NOTCH3: variants seen among roughly 807,000 people sequenced by gnomAD.
NOTCH3 encodes neurogenic locus notch homolog protein 3.
A neutral mutation model predicts 213.3 loss-of-function variants in NOTCH3; 86 were observed. That is an observed-to-expected ratio of 0.40 (90% CI 0.34 to 0.48). NOTCH3 has a LOEUF of 0.48. Among genes scored for constraint, NOTCH3 ranks in the 20% least tolerant of loss-of-function variants. The pLI is 0.57. For synonymous variants in NOTCH3, 1,354 were observed against 1,355.9 expected, an observed-to-expected ratio of 1.00 and a Z score of 0.03; for missense variants, 2,783 against 3,272.6, an observed-to-expected ratio of 0.85 and a Z score of 3.65.
At chr19:15,184,494 G>T in intron 15 of NOTCH3, 44 bp from the exon 16 acceptor site, 2 of 1,598,414 alleles carry the variant, frequency 1.3e-6, no homozygotes, top group South Asian at 2.2e-5. Flanking sequence ...ACAGGGTACA[G>T]AGCAGGGTCT....
In NOTCH3 at chr19:15,189,147, C is replaced by A. The variant is rs770646950; in HGVS notation, c.1220G>T (p.Arg407Met). 6.2e-7 allele frequency: 1 copy of A among 1,613,408 alleles called. No individual in the cohort carries two copies. Among genetic ancestry groups the A allele is most frequent in the Non-Finnish European group, 8.5e-7 (1 of 1,180,038 alleles). Residue 407 changes from arginine to methionine, a missense_variant, in exon 8 of 33, where the codon AGG (arginine) becomes ATG (methionine). Arg to Met is a moderately conservative substitution (Grantham distance 91, BLOSUM62 -1). Coordinates refer to ENST00000263388, the MANE Select transcript of NOTCH3 (RefSeq NM_000435.3). ...GAAGGAGCCCTGCGTGTTCACGCACCTGCCCAAGTGCTCGCAGGGGTTGGC... is the reference window on the plus strand; with the variant it reads ...GAAGGAGCCCTGCGTGTTCACGCACATGCCCAAGTGCTCGCAGGGGTTGGC... The part of the protein sequence containing the change: ...IGANPCEHLG[R>M]CVNTQGSFLC...
intron 23 of NOTCH3, 143 bp from the exon 24 acceptor site, chr19:15,178,233 A>C: frequency 3.6e-6 from 2 of 553,514 alleles, no homozygotes; most frequent in Non-Finnish European, 6.3e-6. Context: ...GAAGGTTGAG[A>C]CCCCCTCAAC....
intron 12 of NOTCH3, among the ~76,000 whole-genome samples, chr19:15,186,507 C>T (rs896611759): frequency 6.6e-6 from 1 of 151,804 alleles, no homozygotes; most frequent in African/African-American, 2.4e-5. Flanking sequence ...TGAGGTCAAG[C>T]AATTCTCCTG....
chr19:15,178,147 G>A, intron 23 of NOTCH3, 57 bp from the exon 24 acceptor site: 6 of 1,110,184 alleles, frequency 5.4e-6, no homozygotes, highest in Non-Finnish European at 7.7e-6. Context: ...GTGGAGGGAA[G>A]GAGGAGAAGA....
chr19:15,174,397 C>G lies in NOTCH3; in HGVS notation c.4407G>C (p.Pro1469=), dbSNP rs924237771. Residue 1469 remains proline, a synonymous_variant, in exon 25 of 33, where the codon CCG becomes CCC. Coordinates refer to ENST00000263388, the MANE Select transcript of NOTCH3 (RefSeq NM_000435.3). The part of the protein sequence containing the change: ...HAGGRERTCN[P]VYEKYCADHF... The stretch of plus-strand genomic sequence containing the variant: ...GGTCGGCGCAGTACTTCTCGTACAC[C>G]GGGCTGGTGGGGAAGGGTGAGGCAG... The G allele has an allele frequency of 3.9e-6, 6 of 1,521,098 alleles. No homozygotes were observed. The East Asian group carries it at 7.4e-5, about 19-fold the overall frequency. The allele number at this position is 1,521,098 out of a possible 1,614,324, so 94.2% of individuals were successfully genotyped here. A position where few individuals can be genotyped will look rare whatever the true frequency, so the allele number is the denominator to read the frequency against.
chr19:15,160,553 G>A lies in NOTCH3; in HGVS notation c.*109C>T, dbSNP rs1276720146. 6 of 944,776 alleles carry A rather than the reference G, an allele frequency of 6.4e-6. No homozygotes were observed. Among genetic ancestry groups the A allele is most frequent in the East Asian group, 2.4e-5 (1 of 41,872 alleles). 58.5% of individuals were successfully genotyped at this position (944,776 alleles called of 1,614,324 possible). ...AAGGCAAGGATGCAGGAGGGTTGGTGGAAAGAGAAGAGGATGAAAAAGACT... is the reference window on the plus strand; with the variant it reads ...AAGGCAAGGATGCAGGAGGGTTGGTAGAAAGAGAAGAGGATGAAAAAGACT... On this transcript the variant is annotated 3_prime_UTR_variant, in exon 33 of 33. Transcript: ENST00000263388.
intron 31 of NOTCH3, among the ~76,000 whole-genome samples, chr19:15,164,859 C>G (rs1258382817): frequency 6.6e-6 from 1 of 151,984 alleles, no homozygotes; most frequent in African/African-American, 2.4e-5. Context: ...TCACGGCTCA[C>G]AGACTCAACC....
At chr19:15,183,300 TTC>T (rs1381023395) in intron 16 of NOTCH3, among the ~76,000 whole-genome samples, 17 of 152,112 alleles carry the variant, frequency 1.1e-4, no homozygotes, top group Non-Finnish European at 2.1e-4. Context: ...TATCTCCCAT[TTC>T]TGTTTATTTT....
At chr19:15,172,846 T>C (rs2046745692) in intron 25 of NOTCH3, among the ~76,000 whole-genome samples, 1 of 151,258 alleles carries the variant, frequency 6.6e-6, no homozygotes, top group African/African-American at 2.4e-5. Flanking sequence ...TTTGTATTTT[T>C]AGTAGAGACA....
intron 1 of NOTCH3, among the ~76,000 whole-genome samples, chr19:15,200,138 C>T (rs1425567870): frequency 2.0e-5 from 3 of 150,912 alleles, no homozygotes; most frequent in Non-Finnish European, 3.0e-5. Flanking sequence ...GGCCCTCGCC[C>T]CTTCCCCTCC....
chr19:15,167,363 A>G lies in NOTCH3; in HGVS notation c.5248T>C (p.Trp1750Arg). 1 of 1,611,396 alleles carries G rather than the reference A, an allele frequency of 6.2e-7. No individual in the cohort carries two copies. The highest frequency in any genetic ancestry group is 8.5e-7 in the Non-Finnish European group (1 of 1,180,026). The change falls in exon 29 of 33, where the codon TGG becomes CGG. Residue 1750 changes from tryptophan (W) to arginine (R), a missense_variant. Around this residue, in one of 6 missense-constraint regions of NOTCH3, gnomAD observed 636 missense variants for 801.8 expected, o/e 0.79. Transcript: ENST00000263388. The part of the protein sequence containing the change: ...GAEEAVDCRQ[W>R]TQHHLVAADI... The stretch of plus-strand genomic sequence containing the variant: ...GCAGCAACCAGATGGTGTTGAGTCC[A>G]CTGACGGCAATCCACAGCCTCCTCA...
Position 15,188,305 on chromosome 19 carries a change from C to G in NOTCH3, c.1422G>C (p.Gln474His). The change falls in exon 9 of 33, where the codon CAG becomes CAC. Residue 474 changes from glutamine (Q) to histidine (H), a missense_variant. Physicochemically the swap from Gln to His is conservative, Grantham distance 24. This residue lies in a region of NOTCH3 where 708 missense variants were observed against 906.6 expected (regional missense o/e 0.78). Coordinates refer to ENST00000263388, the MANE Select transcript of NOTCH3 (RefSeq NM_000435.3). ...CCCCACCGTTGACACAGGGGCTACT[C>G]TGACACTCGTCAATGTCCACCTCGC... is the stretch of plus-strand genomic sequence containing the variant. ...TYCEVDIDEC[Q>H]SSPCVNGGVC... 1 of 1,606,542 alleles carries G rather than the reference C, an allele frequency of 6.2e-7. No individual in the cohort carries two copies. The highest frequency in any genetic ancestry group is 8.5e-7 in the Non-Finnish European group (1 of 1,176,246).
intron 8 of NOTCH3, among the ~76,000 whole-genome samples, chr19:15,188,616 C>T (rs1303249767): frequency 6.6e-6 from 1 of 151,964 alleles, no homozygotes; most frequent in Admixed American, 6.6e-5. Flanking sequence ...TAAGCCCTTT[C>T]CCCAGTCCCC....
Position 15,185,550 on chromosome 19 carries a change from G to T in NOTCH3, c.2081C>A (p.Pro694His). 1.2e-6 allele frequency: 2 copies of T among 1,613,106 alleles called. No homozygotes were observed. Among genetic ancestry groups the T allele is most frequent in the Middle Eastern group, 1.7e-4 (1 of 6,050 alleles). Residue 694 changes from proline to histidine, a missense_variant, in exon 13 of 33, where the codon CCC (proline) becomes CAC (histidine). Pro to His is a moderately conservative substitution (Grantham distance 77). This residue lies in a region of NOTCH3 where 861 missense variants were observed against 909.1 expected (regional missense o/e 0.95). Coordinates refer to ENST00000263388, the MANE Select transcript of NOTCH3 (RefSeq NM_000435.3). The surrounding 1 kb of genome is among the most constrained non-coding windows in gnomAD (Gnocchi z 4.2). ...PPGSLPPLCL[P>H]PSHPCAHEPC... ...CTCATGGGCACAGGGATGGCTCGGG[G>T]GGAGGCAGAGTGGGGGCAAGGAGCC... is the stretch of plus-strand genomic sequence containing the variant.
Position 15,161,586 on chromosome 19 carries a change from C to A in NOTCH3, c.6042G>T (p.Glu2014Asp). Residue 2014 changes from glutamate (E) to aspartate (D), a missense_variant, in exon 33 of 33, where the codon GAG becomes GAT. Physicochemically the swap from Glu to Asp is conservative, Grantham distance 45 (BLOSUM62 2). This residue lies in a region of NOTCH3 where 441 missense variants were observed against 432.1 expected (regional missense o/e 1.02). Coordinates refer to ENST00000263388, the MANE Select transcript of NOTCH3 (RefSeq NM_000435.3). ...LDRLPRDVAQ[E>D]RLHQDIVRLL... ...AGCGCACGATGTCCTGGTGCAGTCT[C>A]TCCTGGGCTACGTCCCGCGGCAGCC... 6.2e-7 allele frequency: 1 copy of A among 1,611,628 alleles called. No homozygotes were observed. The highest frequency in any genetic ancestry group is 1.1e-5 in the South Asian group (1 of 90,480).
chr19:15,179,873 C>T (rs938436404), intron 20 of NOTCH3, among the ~76,000 whole-genome samples, 199 bp downstream of exon 20: 1 of 151,904 alleles, frequency 6.6e-6, no homozygotes, highest in Admixed American at 6.6e-5. Context: ...AGAGTGAGAA[C>T]CTGTCTCAAA....
In NOTCH3 at chr19:15,185,027, G is replaced by A. The variant is rs1312906288; in HGVS notation, c.2297-8C>T. The A allele has an allele frequency of 2.4e-5, 35 of 1,437,528 alleles. No homozygotes were observed. Among genetic ancestry groups the A allele is most frequent in the Non-Finnish European group, 3.3e-5 (35 of 1,056,188 alleles). 89.0% of individuals were successfully genotyped at this position (1,437,528 alleles called of 1,614,324 possible). A position where few individuals can be genotyped will look rare whatever the true frequency, so the allele number is the denominator to read the frequency against. On this transcript the variant is annotated splice_polypyrimidine_tract_variant and splice_region_variant and intron_variant, in intron 14 of 32. Coordinates refer to ENST00000263388, the MANE Select transcript of NOTCH3 (RefSeq NM_000435.3). The surrounding 1 kb of genome is among the most constrained non-coding windows in gnomAD (Gnocchi z 4.2). ...GGAGTTCACACTGACGTCCTGTTGG[G>A]GGTGGAAGAGAGGGAAGCAGAGATA...
chr19:15,170,785 G>T lies in NOTCH3; in HGVS notation c.4777C>A (p.Gln1593Lys). The T allele has an allele frequency of 6.2e-7, 1 of 1,613,404 alleles. No individual in the cohort carries two copies. Among genetic ancestry groups the T allele is most frequent in the Non-Finnish European group, 8.5e-7 (1 of 1,179,900 alleles). Reference sequence around the variant, plus strand: ...AAGCAGTGATCATTCTCAGGCGACTGCAGGCAGAGCCGGTTGTCAATCTCC... The same window carrying T: ...AAGCAGTGATCATTCTCAGGCGACTTCAGGCAGAGCCGGTTGTCAATCTCC... The part of the protein sequence containing the change: ...MLEIDNRLCL[Q>K]SPENDHCFPD... The change falls in exon 26 of 33, where the codon CAG (glutamine) becomes AAG (lysine). Residue 1593 changes from glutamine to lysine, a missense_variant. Gln to Lys is a moderately conservative substitution (Grantham distance 53, BLOSUM62 1). Transcript: ENST00000263388.
chr19:15,187,858 G>C (rs1407088350), intron 10 of NOTCH3, 23 bp downstream of exon 10: 1 of 1,532,052 alleles, frequency 6.5e-7, no homozygotes, highest in African/African-American at 1.4e-5. Context: ...GATTCTTGTC[G>C]GACTGTCATT....
Sources: allele counts gnomAD v4.1 joint callset (sites outside exome capture counted in the v4.1 genomes callset), GRCh38; gene constraint gnomAD v4.1.1; regional missense constraint gnomAD v4.1.1; non-coding constraint Gnocchi (gnomAD v3.1); transcripts MANE v1.5; gene names NCBI Gene and HGNC (gene_info 2026-07-23, HGNC 2026-07-21).